The following CDKL5 variants were observed in gnomAD, a reference collection of about 807,000 sequenced individuals.
CDKL5 encodes the protein cyclin-dependent kinase-like 5.
In CDKL5, 8 loss-of-function variants were observed where a neutral mutation model predicts 61.7. The observed-to-expected ratio is 0.13, with a 90% CI of 0.08 to 0.23. CDKL5 has a LOEUF of 0.23. Ranked by LOEUF, CDKL5 falls within the 10% of genes least tolerant of loss-of-function variation. CDKL5 has a pLI of 1.00. For missense variants in CDKL5, 440 were observed against 734.5 expected (o/e 0.60, Z 4.63); for synonymous variants, 275 against 272.3 (o/e 1.01, Z -0.10).
chrX:18,475,543 T>C (rs950206176), intron 1 of CDKL5, among the ~76,000 whole-genome samples: 1 of 112,167 alleles, frequency 8.9e-6, no homozygotes, highest in Non-Finnish European at 1.9e-5. Flanking sequence ...GCCATCCTCC[T>C]GCCTCTGCTT....
chrX:18,463,482 C>T (rs1473317442), intron 1 of CDKL5, among the ~76,000 whole-genome samples: 2 of 112,094 alleles, frequency 1.8e-5, no homozygotes, highest in African/African-American at 6.5e-5. Context: ...TGGAATTATA[C>T]AATTCCGTAA....
chrX:18,483,378 G>A (rs972183233), intron 1 of CDKL5, among the ~76,000 whole-genome samples: 8 of 111,237 alleles, frequency 7.2e-5, no homozygotes, highest in African/African-American at 2.6e-4. Context: ...TCCAGGTAGA[G>A]GAAGGGTTTG....
At chrX:18,477,750 G>A (rs749748530) in intron 1 of CDKL5, among the ~76,000 whole-genome samples, 15 of 111,252 alleles carry the variant, frequency 1.3e-4, no homozygotes, top group Middle Eastern at 4.2e-3. Context: ...TTTTTGTGAT[G>A]TTATTATACA....
chrX:18,595,026 C>CA (rs1241688397), intron 9 of CDKL5, among the ~76,000 whole-genome samples: 2 of 111,206 alleles, frequency 1.8e-5, no homozygotes, highest in Non-Finnish European at 3.8e-5. Flanking sequence ...ACTAAAAATA[C>CA]AAAAAATTAG....
chrX:18,571,344 A>G (rs577637376), intron 4 of CDKL5, among the ~76,000 whole-genome samples: 4 of 111,371 alleles, frequency 3.6e-5, no homozygotes, highest in African/African-American at 1.3e-4. Flanking sequence ...TACTCAGACT[A>G]TGAGGTTGAA....
chrX:18,509,835 G>A (rs1038591611), intron 2 of CDKL5, among the ~76,000 whole-genome samples: 5 of 109,998 alleles, frequency 4.5e-5, no homozygotes, highest in African/African-American at 9.9e-5. Flanking sequence ...GGAATACTGA[G>A]GCCTGGACTA....
At chrX:18,628,327 C>T (rs1434779046) in intron 17 of CDKL5, 44 bp from the exon 18 acceptor site, 7 of 1,181,941 alleles carry the variant, frequency 5.9e-6, no homozygotes, top group East Asian at 5.9e-5. Context: ...GCCTTATGGT[C>T]GCTCTAACTT....
rs1832010735 is a variant in CDKL5 at position 18,638,295 on chromosome X, A to G, written c.*9538A>G. ...CTTCTTTGTTCGTAACATTTCATTT[A>G]ATTATTTAAAAATCTGCAAATGTTG... On this transcript the variant is annotated 3_prime_UTR_variant, in exon 18 of 18. Coordinates refer to ENST00000623535, the MANE Select transcript of CDKL5 (RefSeq NM_001323289.2). 8.9e-6 allele frequency: 1 copy of G among 112,532 alleles called. No homozygotes were observed. The highest frequency in any genetic ancestry group is 1.9e-5 in the Non-Finnish European group (1 of 53,336). 9.3% of individuals were successfully genotyped at this position (112,532 alleles called of 1,213,427 possible).
intron 16 of CDKL5, among the ~76,000 whole-genome samples, chrX:18,623,077 G>A (rs541335359): frequency 8.9e-6 from 1 of 112,027 alleles, no homozygotes. Flanking sequence ...TGCCTGCTTC[G>A]ACTCAAGCAA....
At chrX:18,616,397 G>A (rs1926714405) in intron 15 of CDKL5, among the ~76,000 whole-genome samples, 2 of 110,989 alleles carry the variant, frequency 1.8e-5, no homozygotes, top group Admixed American at 1.9e-4. Context: ...AGGCCAAGGC[G>A]GGCAGATCAC....
intron 5 of CDKL5, among the ~76,000 whole-genome samples, chrX:18,578,390 T>C (rs1925368401): frequency 8.9e-6 from 1 of 112,192 alleles, no homozygotes; most frequent in Non-Finnish European, 1.9e-5. Context: ...TGATTCTTGA[T>C]AGGTATACAA....
At chrX:18,548,871 A>C (rs1203461871) in intron 3 of CDKL5, among the ~76,000 whole-genome samples, 1 of 112,122 alleles carries the variant, frequency 8.9e-6, no homozygotes, top group Non-Finnish European at 1.9e-5. Flanking sequence ...AAGCAGCCAT[A>C]TCTCTCATGA....
chrX:18,607,717 C>T (rs1926410912), intron 12 of CDKL5, among the ~76,000 whole-genome samples: 1 of 111,687 alleles, frequency 9.0e-6, no homozygotes, highest in African/African-American at 3.3e-5. Context: ...AGTATCGGGC[C>T]ACCTTGAAAA....
At chrX:18,474,568 A>G (rs1003193570) in intron 1 of CDKL5, among the ~76,000 whole-genome samples, 5 of 112,488 alleles carry the variant, frequency 4.4e-5, no homozygotes, top group African/African-American at 1.3e-4. Context: ...ATAACAAACA[A>G]TAATCAAACA....
At chrX:18,524,014 G>T (rs1923344731) in intron 3 of CDKL5, among the ~76,000 whole-genome samples, 1 of 111,492 alleles carries the variant, frequency 9.0e-6, no homozygotes. Context: ...TCTGTATAAG[G>T]TACCATCTGT....
At position 18,508,680 on chromosome X, in the gene CDKL5, G is replaced by GTT. The variant is rs536759356; in HGVS notation, c.64+1521_64+1522dup. ...GGGATTGGCTCAAAATTACCAGACTGTTATATATATATATATATATCAGAA... is the reference window on the plus strand; with the variant it reads ...GGGATTGGCTCAAAATTACCAGACTGTTTTATATATATATATATATATCAGAA... On this transcript the variant is annotated intron_variant, in intron 2 of 17. Transcript: ENST00000623535. Among the ~76,000 whole-genome samples the GTT allele has an allele frequency of 1.2e-4, 13 of 108,518 alleles. No homozygotes were observed. In the South Asian group the frequency reaches 1.6e-3, roughly 13 times the overall value. The allele number at this position is 108,518 out of a possible 115,157, so 94.2% of individuals were successfully genotyped here. A position where few individuals can be genotyped will look rare whatever the true frequency, so the allele number is the denominator to read the frequency against.
At chrX:18,471,189 AT>A (rs1921082371) in intron 1 of CDKL5, among the ~76,000 whole-genome samples, 1 of 109,442 alleles carries the variant, frequency 9.1e-6, no homozygotes, top group East Asian at 2.8e-4. Flanking sequence ...TTTTATTTTT[AT>A]TTTTTGTGGG....
intron 15 of CDKL5, among the ~76,000 whole-genome samples, chrX:18,614,636 G>C (rs903003598): frequency 8.9e-6 from 1 of 112,605 alleles, no homozygotes; most frequent in African/African-American, 3.2e-5. Context: ...TCAACATCAG[G>C]TGTTTCCCCT....
At chrX:18,474,408 A>G (rs571393848) in intron 1 of CDKL5, among the ~76,000 whole-genome samples, 1 of 111,160 alleles carries the variant, frequency 9.0e-6, no homozygotes, top group Non-Finnish European at 1.9e-5. Flanking sequence ...CCCAAGTTTT[A>G]TAAGTCCCCA....
Sources: allele counts gnomAD v4.1 joint callset (sites outside exome capture counted in the v4.1 genomes callset), GRCh38; gene constraint gnomAD v4.1.1; transcripts MANE v1.5; gene names NCBI Gene and HGNC (gene_info 2026-07-23, HGNC 2026-07-21).